NFIC: variants seen among roughly 807,000 people sequenced by gnomAD.
NFIC encodes the protein nuclear factor I C.
In NFIC, 12 loss-of-function variants were observed where a neutral mutation model predicts 54.4. The observed-to-expected ratio is 0.22, with a 90% CI of 0.14 to 0.36. NFIC has a LOEUF of 0.36. Among genes scored for constraint, NFIC ranks in the 10% least tolerant of loss-of-function variants. NFIC has a pLI of 1.00. For synonymous variants in NFIC, 322 were observed against 319.2 expected, an observed-to-expected ratio of 1.01 and a Z score of -0.09; for missense variants, 575 against 718.2, an observed-to-expected ratio of 0.80 and a Z score of 2.28.
At chr19:3,397,810 G>A (rs917799436) in intron 2 of NFIC, among the ~76,000 whole-genome samples, 30 of 152,206 alleles carry the variant, frequency 2.0e-4, no homozygotes, top group African/African-American at 6.5e-4. Context: ...GGGAGGCTGC[G>A]TCCACTCCCA....
chr19:3,428,071 G>A (rs184033517), intron 3 of NFIC, among the ~76,000 whole-genome samples: 327 of 151,928 alleles, frequency 2.2e-3, no homozygotes, highest in Middle Eastern at 6.8e-3. Flanking sequence ...CCGAGAGGCT[G>A]AGGCAGGAGA....
chr19:3,361,882 CTG>C (rs1304709305), upstream of NFIC, among the ~76,000 whole-genome samples: 2 of 152,168 alleles, frequency 1.3e-5, no homozygotes, highest in African/African-American at 4.8e-5. Flanking sequence ...CTCACGGTGC[CTG>C]TGTCTGCATG....
chr19:3,410,300 T>C (rs1313599353), intron 2 of NFIC, among the ~76,000 whole-genome samples: 1 of 152,132 alleles, frequency 6.6e-6, no homozygotes, highest in African/African-American at 2.4e-5. Context: ...AACACTAGCA[T>C]GTGTGTGGTC....
At chr19:3,391,440 C>A (rs1407703040) in intron 2 of NFIC, among the ~76,000 whole-genome samples, 1 of 152,052 alleles carries the variant, frequency 6.6e-6, no homozygotes, top group Admixed American at 6.6e-5. Context: ...GACTTGAGGT[C>A]AAGAATTCGA....
Position 3,447,146 on chromosome 19 carries a change from A to G in NFIC, c.959-1868A>G, listed in dbSNP as rs564776375. Among the ~76,000 whole-genome samples, 3 of 152,068 alleles carry G rather than the reference A, an allele frequency of 2.0e-5. No homozygotes were observed. The East Asian group carries it at 5.8e-4, about 29-fold the overall frequency. ...AAACCCCATCTCTACTAAAAATACAAAAATGACCCGGGCGTGGTGGTGGGC... is the reference window on the plus strand; with the variant it reads ...AAACCCCATCTCTACTAAAAATACAGAAATGACCCGGGCGTGGTGGTGGGC... On this transcript the variant is annotated intron_variant, in intron 6 of 10. Coordinates refer to ENST00000443272, the MANE Select transcript of NFIC (RefSeq NM_001245002.2).
In NFIC at chr19:3,464,071, G is replaced by C; in HGVS notation, c.*1302G>C. 1 of 984,824 alleles carries C rather than the reference G, an allele frequency of 1.0e-6. No individual in the cohort carries two copies. The highest frequency in any genetic ancestry group is 1.2e-6 in the Non-Finnish European group (1 of 829,792). 61.0% of individuals were successfully genotyped at this position (984,824 alleles called of 1,614,324 possible). Reference sequence around the variant, plus strand: ...GCGGGGGTGGGCTCTGGGGAAGCCGGTGCGCCCCCCACGCCTCCGCTGCCA... The same window carrying C: ...GCGGGGGTGGGCTCTGGGGAAGCCGCTGCGCCCCCCACGCCTCCGCTGCCA... On this transcript the variant is annotated 3_prime_UTR_variant, in exon 11 of 11. Transcript: ENST00000443272.
chr19:3,387,582 G>A (rs530703653), intron 2 of NFIC, among the ~76,000 whole-genome samples: 1 of 152,082 alleles, frequency 6.6e-6, no homozygotes, highest in Non-Finnish European at 1.5e-5. Flanking sequence ...GGGGGCTGGG[G>A]GCCACTCTGG....
intron 6 of NFIC, among the ~76,000 whole-genome samples, chr19:3,438,101 G>GA (rs1455498026): frequency 1.3e-5 from 2 of 152,156 alleles, no homozygotes; most frequent in African/African-American, 4.8e-5. Flanking sequence ...ACCCTGAGAG[G>GA]AAAAATTGTA....
intron 2 of NFIC, among the ~76,000 whole-genome samples, chr19:3,420,556 A>AAAAAAAAAAAT (rs1555751892): frequency 3.5e-5 from 5 of 142,680 alleles, no homozygotes; most frequent in Non-Finnish European, 6.0e-5. Flanking sequence ...CCATCTCAAA[A>AAAAAAAAAAAT]AAATAAATAA....
Position 3,462,885 on chromosome 19 carries a change from C to A in NFIC, c.*116C>A. The A allele has an allele frequency of 6.3e-7, 1 of 1,583,874 alleles. No individual in the cohort carries two copies. The highest frequency in any genetic ancestry group is 1.1e-5 in the South Asian group (1 of 88,398). Reference sequence around the variant, plus strand: ...ATTAGAGTGAACAAGAACACCCCTGCCGACTCCCAGCCCGGCCAAAAAGAC... The same window carrying A: ...ATTAGAGTGAACAAGAACACCCCTGACGACTCCCAGCCCGGCCAAAAAGAC... On this transcript the variant is annotated 3_prime_UTR_variant, in exon 11 of 11. Coordinates refer to ENST00000443272, the MANE Select transcript of NFIC (RefSeq NM_001245002.2).
rs2081099766 is a variant in NFIC at position 3,375,902 on chromosome 19, CG to C, written c.31-5809del. 6.6e-6 allele frequency among the ~76,000 whole-genome samples: 1 copy of C among 152,144 alleles called. No individual in the cohort carries two copies. The highest frequency in any genetic ancestry group is 1.5e-5 in the Non-Finnish European group (1 of 68,022). ...ACACACAGTGGGAGTCCAGGGTCAA[CG>C]TCTCCCTACCTTCCTGAGACCCCAA... On this transcript the variant is annotated intron_variant, in intron 1 of 10. Transcript: ENST00000443272. This position sits in a 1 kb window ranked among gnomAD's most constrained non-coding sequence, Gnocchi z 4.6.
intron 2 of NFIC, among the ~76,000 whole-genome samples, chr19:3,414,813 TTTTTTTGTTTTTTTG>T (rs1027634456): frequency 1.1e-3 from 161 of 151,594 alleles, no homozygotes; most frequent in African/African-American, 3.3e-3. Context: ...GCTTAGTTTG[TTTTTTTGTTTTTTTG>T]TTTTTTGTTT....
In NFIC at chr19:3,452,462, G is replaced by T. The variant is rs762320708; in HGVS notation, c.1085-20G>T. ...CGGCTGGAGCCCCCAAGTAACCCCC[G>T]CTTCCCACTGTCTCCGCAGGGATCG... On this transcript the variant is annotated intron_variant, in intron 7 of 10. Transcript: ENST00000443272. The surrounding 1 kb of genome is among the most constrained non-coding windows in gnomAD (Gnocchi z 5.3). 1 of 1,608,432 alleles carries T rather than the reference G, an allele frequency of 6.2e-7. No homozygotes were observed.
intron 9 of NFIC, among the ~76,000 whole-genome samples, chr19:3,455,539 G>C (rs2082539258): frequency 6.7e-6 from 1 of 149,234 alleles, no homozygotes; most frequent in Non-Finnish European, 1.5e-5. Flanking sequence ...GATCCACTCA[G>C]GGCTCAGTGG....
Position 3,463,691 on chromosome 19 carries a change from AC to A in NFIC, c.*925del, listed in dbSNP as rs2082675530. 1.0e-6 allele frequency: 1 copy of A among 959,312 alleles called. No homozygotes were observed. Among genetic ancestry groups the A allele is most frequent in the African/African-American group, 2.0e-5 (1 of 49,170 alleles). 59.4% of individuals were successfully genotyped at this position (959,312 alleles called of 1,614,324 possible). A position where few individuals can be genotyped will look rare whatever the true frequency, so the allele number is the denominator to read the frequency against. On this transcript the variant is annotated 3_prime_UTR_variant, in exon 11 of 11. Transcript: ENST00000443272. The stretch of plus-strand genomic sequence containing the variant: ...CCGGCTCACACCCCCAAAGGGAGGG[AC>A]CCACATTGCACACACTGTAAGAAAT...
chr19:3,438,283 GGA>G (rs67591527), intron 6 of NFIC, among the ~76,000 whole-genome samples: 46,315 of 151,708 alleles, frequency 0.31, 8,070 homozygotes, highest in East Asian at 0.75. Context: ...AGCAATGGGG[GGA>G]GGACAAAGAG....
intron 1 of NFIC, among the ~76,000 whole-genome samples, chr19:3,371,998 CCTCTCTCTCT>C (rs56852086): frequency 0.13 from 4,544 of 35,404 alleles, 700 homozygotes; most frequent in East Asian, 0.37. Flanking sequence ...CCTCTCTCTC[CCTCTCTCTCT>C]CTCTCTCTCT....
chr19:3,384,699 C>G (rs1327516197), intron 2 of NFIC, among the ~76,000 whole-genome samples: 2 of 152,168 alleles, frequency 1.3e-5, no homozygotes, highest in African/African-American at 4.8e-5. Flanking sequence ...GTTACCCAGT[C>G]TTGATCTTGA....
chr19:3,385,036 G>A (rs1056761838), intron 2 of NFIC, among the ~76,000 whole-genome samples: 2 of 28,012 alleles, frequency 7.1e-5, no homozygotes, highest in African/African-American at 1.4e-4. Context: ...TGCCCCTCCC[G>A]CCTCTGCTCA....
Sources: allele counts gnomAD v4.1 joint callset (sites outside exome capture counted in the v4.1 genomes callset), GRCh38; gene constraint gnomAD v4.1.1; non-coding constraint Gnocchi (gnomAD v3.1); transcripts MANE v1.5; gene names NCBI Gene and HGNC (gene_info 2026-07-23, HGNC 2026-07-21).